Variants in COL16A1 observed in about 807,000 individuals in gnomAD.
COL16A1 encodes collagen type XVI alpha 1 chain.
COL16A1 carries 189 observed loss-of-function variants against 266.3 expected under a neutral mutation model. The ratio of observed to expected loss-of-function variants is 0.71; its 90% CI spans 0.63 to 0.80. The LOEUF is 0.80. COL16A1 is among the 30% of genes least tolerant of loss of function. The pLI is 0.00. For missense variants in COL16A1, 1,928 were observed against 2,122.4 expected (o/e 0.91, Z 1.80); for synonymous variants, 740 against 782.3 (o/e 0.95, Z 0.90).
In COL16A1 at chr1:31,656,287, C is replaced by T; in HGVS notation, c.4101+113G>A. 6.6e-7 allele frequency: 1 copy of T among 1,526,014 alleles called. No individual in the cohort carries two copies. The highest frequency in any genetic ancestry group is 8.8e-7 in the Non-Finnish European group (1 of 1,135,910). The allele number at this position is 1,526,014 out of a possible 1,614,324, so 94.5% of individuals were successfully genotyped here. On this transcript the variant is annotated intron_variant, in intron 66 of 70. Transcript: ENST00000373672. This position sits in a 1 kb window ranked among gnomAD's most constrained non-coding sequence, Gnocchi z 4.2. The stretch of plus-strand genomic sequence containing the variant: ...CCTGCTCCAAGTTCTGCATTTTTGC[C>T]CCCTGCCCACTGGCCTTCCTGTGTC...
rs1272445992 is a variant in COL16A1, at chr1:31,653,657, A to G, written c.4554T>C (p.Gly1518=). ...TGCCAATACCAATGTCCCCTTTTTCACCTTTGGTACCAGGCAATCCTGGAA... is the reference window on the plus strand; with the variant it reads ...TGCCAATACCAATGTCCCCTTTTTCGCCTTTGGTACCAGGCAATCCTGGAA... ...PGVRGLPGTK[G]EKGDIGIGIA... Residue 1518 remains glycine, a synonymous_variant, in exon 70 of 71, where the codon GGT becomes GGC. Transcript: ENST00000373672. 1 of 1,613,406 alleles carries G rather than the reference A, an allele frequency of 6.2e-7. No individual in the cohort carries two copies. The highest frequency in any genetic ancestry group is 8.5e-7 in the Non-Finnish European group (1 of 1,179,692).
chr1:31,686,371 C>T (rs1570529043), intron 26 of COL16A1, 92 bp from the exon 27 acceptor site: 1 of 1,529,844 alleles, frequency 6.5e-7, no homozygotes, highest in East Asian at 2.3e-5. Context: ...GCAACCCCTT[C>T]AGATGTCCAG....
chr1:31,658,808 G>T, intron 63 of COL16A1, 106 bp downstream of exon 63: 1 of 1,349,968 alleles, frequency 7.4e-7, no homozygotes, highest in South Asian at 1.3e-5. Context: ...GGAAGGAGGG[G>T]ATGAGACAAA....
At chr1:31,693,874 T>G (rs1644382887) in intron 12 of COL16A1, among the ~76,000 whole-genome samples, 1 of 152,190 alleles carries the variant, frequency 6.6e-6, no homozygotes, top group Non-Finnish European at 1.5e-5. Flanking sequence ...CCCTGCAGGC[T>G]GACTATTGAG....
At position 31,683,739 on chromosome 1, in the gene COL16A1, C is replaced by T. The variant is rs1176277321; in HGVS notation, c.2347G>A (p.Gly783Arg). Residue 783 changes from glycine (G) to arginine (R), a missense_variant, in exon 34 of 71, where the codon GGG becomes AGG. By Grantham distance (125) the Gly-to-Arg change is moderately radical. Around this residue, in one of 2 missense-constraint regions of COL16A1, gnomAD observed 1,552 missense variants for 1,637.2 expected, o/e 0.95. Transcript: ENST00000373672. ...PGLKGVQGEP[G>R]PPGRGVQGPQ... ...CCCTGGACTCCCCTTCCTGGAGGCC[C>T]TGGCTCTCCCTGAAGAGGCAGAAGG... 1 of 1,614,152 alleles carries T rather than the reference C, an allele frequency of 6.2e-7. No individual in the cohort carries two copies. Among genetic ancestry groups the T allele is most frequent in the Non-Finnish European group, 8.5e-7 (1 of 1,180,000 alleles).
chr1:31,661,654 A>G lies in COL16A1; in HGVS notation c.3726+6T>C. The stretch of plus-strand genomic sequence containing the variant: ...GCTTCCAACTCCTTCCTGCAGCTCA[A>G]CTTACCGGTGGTCCCATGAGTCCAG... On this transcript the variant is annotated splice_donor_region_variant and intron_variant, in intron 59 of 70. Coordinates refer to ENST00000373672, the MANE Select transcript of COL16A1 (RefSeq NM_001856.4). 1 of 1,613,580 alleles carries G rather than the reference A, an allele frequency of 6.2e-7. No individual in the cohort carries two copies.
Position 31,652,613 on chromosome 1 carries a change from C to A in COL16A1, c.*38G>T. ...GTCCTATAAGCTTTGGCCATTTATT[C>A]CCAACGGAGTCTTTCATCCAAAGGC... On this transcript the variant is annotated 3_prime_UTR_variant, in exon 71 of 71. Transcript: ENST00000373672. The surrounding 1 kb of genome is among the most constrained non-coding windows in gnomAD (Gnocchi z 4.8). 1 of 1,515,392 alleles carries A rather than the reference C, an allele frequency of 6.6e-7. No homozygotes were observed. The highest frequency in any genetic ancestry group is 1.3e-5 in the South Asian group (1 of 75,344). 93.9% of individuals were successfully genotyped at this position (1,515,392 alleles called of 1,614,324 possible).
intron 52 of COL16A1, 197 bp from the exon 53 acceptor site, chr1:31,666,278 T>A: frequency 1.6e-6 from 1 of 610,982 alleles, no homozygotes; most frequent in Non-Finnish European, 2.8e-6. Context: ...TAACTCGTCC[T>A]GCCACCTCCT....
intron 69 of COL16A1, 33 bp from the exon 70 acceptor site, chr1:31,653,709 T>G (rs1640838289): frequency 6.2e-7 from 1 of 1,601,354 alleles, no homozygotes; most frequent in Admixed American, 1.7e-5. Context: ...GTCCTATCCC[T>G]GAGCAGAAAA....
intron 33 of COL16A1, 100 bp downstream of exon 33, chr1:31,683,850 G>A: frequency 6.2e-7 from 1 of 1,604,300 alleles, no homozygotes; most frequent in Non-Finnish European, 8.5e-7. Context: ...CCTGCACCCT[G>A]CCTCCATTTC....
intron 36 of COL16A1, 89 bp from the exon 37 acceptor site, chr1:31,683,091 G>A (rs1452916483): frequency 3.1e-6 from 5 of 1,608,530 alleles, no homozygotes; most frequent in Admixed American, 1.7e-5. Context: ...CAGATCTTAG[G>A]CAGCCCTCTG....
chr1:31,671,667 G>A lies in COL16A1; in HGVS notation c.3106-8C>T. The A allele has an allele frequency of 2.5e-6, 4 of 1,614,040 alleles. No homozygotes were observed. In the South Asian group the frequency reaches 3.3e-5, roughly 13 times the overall value. On this transcript the variant is annotated splice_region_variant and splice_polypyrimidine_tract_variant and intron_variant, in intron 47 of 70. Transcript: ENST00000373672. ...CCTCATGCCAGGCGGACCCTGCAAA[G>A]GAAGCCAAGGGAAATGGATGAAGAG...
At chr1:31,660,064 C>T (rs1196143223) in intron 62 of COL16A1, 1 of 143,478 alleles carries the variant, frequency 7.0e-6, no homozygotes, top group African/African-American at 2.8e-5. Flanking sequence ...ATGCCAGTAT[C>T]TTCGCTTTTC....
chr1:31,692,906 G>A (rs1644337627), intron 13 of COL16A1, 98 bp from the exon 14 acceptor site: 4 of 1,232,096 alleles, frequency 3.2e-6, no homozygotes. Context: ...ATAGTCCTAA[G>A]TATCCCTAGA....
Position 31,693,191 on chromosome 1 carries a change from G to C in COL16A1, c.1009-37C>G, listed in dbSNP as rs141034212. 1,300 of 1,369,898 alleles carry C rather than the reference G, an allele frequency of 9.5e-4. 9 individuals are homozygous for C. In the African/African-American group the frequency reaches 0.016, roughly 17 times the overall value. The allele number at this position is 1,369,898 out of a possible 1,614,324, so 84.9% of individuals were successfully genotyped here. A position where few individuals can be genotyped will look rare whatever the true frequency, so the allele number is the denominator to read the frequency against. On this transcript the variant is annotated intron_variant, in intron 12 of 70. Coordinates refer to ENST00000373672, the MANE Select transcript of COL16A1 (RefSeq NM_001856.4). ...ACCAGAATGGAAGATAGGACCAGAGGGGGCACATGGGAGCCTTGAGAAAGC... is the reference window on the plus strand; with the variant it reads ...ACCAGAATGGAAGATAGGACCAGAGCGGGCACATGGGAGCCTTGAGAAAGC...
chr1:31,696,203 A>G lies in COL16A1; in HGVS notation c.865-62T>C, dbSNP rs376520772. 1.7e-5 allele frequency: 26 copies of G among 1,497,654 alleles called. 1 individual carries two copies. The East Asian group carries it at 2.0e-4, about 12-fold the overall frequency. 92.8% of individuals were successfully genotyped at this position (1,497,654 alleles called of 1,614,324 possible). A position where few individuals can be genotyped will look rare whatever the true frequency, so the allele number is the denominator to read the frequency against. Reference sequence around the variant, plus strand: ...GGGAAGTTCTGGGGTCCAGGCTGGAAAGGGGCACCCAGGCAGGGGGCATGG... The same window carrying G: ...GGGAAGTTCTGGGGTCCAGGCTGGAGAGGGGCACCCAGGCAGGGGGCATGG... On this transcript the variant is annotated intron_variant, in intron 8 of 70. Transcript: ENST00000373672.
rs748149672 is a variant in COL16A1 at position 31,690,392 on chromosome 1, C to A, written c.1484G>T (p.Gly495Val). The A allele has an allele frequency of 6.2e-7, 1 of 1,614,162 alleles. No individual in the cohort carries two copies. Among genetic ancestry groups the A allele is most frequent in the Non-Finnish European group, 8.5e-7 (1 of 1,180,022 alleles). ...CTTCTCTCCCTTCACACCTGGCTTC[C>A]CCTGTTAGAAAAGAGGCAATGGGCA... Reference protein sequence around the residue: ...PGKEGPGGKPGKPGVKGEKGD... With the variant: ...PGKEGPGGKPVKPGVKGEKGD... Residue 495 changes from glycine to valine, a missense_variant and splice_region_variant, in exon 22 of 71, where the codon GGG becomes GTG. Around this residue, in one of 2 missense-constraint regions of COL16A1, gnomAD observed 1,552 missense variants for 1,637.2 expected, o/e 0.95. Coordinates refer to ENST00000373672, the MANE Select transcript of COL16A1 (RefSeq NM_001856.4).
At chr1:31,686,672 C>T (rs1643993568) in intron 26 of COL16A1, among the ~76,000 whole-genome samples, 1 of 152,242 alleles carries the variant, frequency 6.6e-6, no homozygotes, top group Admixed American at 6.5e-5. Context: ...TCTAAATCAT[C>T]ATTTTAAACA....
rs1570371201 is a variant in COL16A1 at position 31,661,775 on chromosome 1, T to A, written c.3682-71A>T. On this transcript the variant is annotated intron_variant, in intron 58 of 70. Transcript: ENST00000373672. ...TTGTATCCAACTCATACCTCTGTCC[T>A]CCCCTCTCTCCAGCCCTCCCCAGCT... 27 of 1,485,850 alleles carry A rather than the reference T, an allele frequency of 1.8e-5. No individual in the cohort carries two copies. The East Asian group carries it at 4.4e-4, about 24-fold the overall frequency. 92.0% of individuals were successfully genotyped at this position (1,485,850 alleles called of 1,614,324 possible).
Sources: gnomAD v4.1 joint callset for allele counts (sites outside exome capture counted in the v4.1 genomes callset) on GRCh38, gnomAD v4.1.1 for gene constraint, gnomAD v4.1.1 regional missense constraint, Gnocchi (gnomAD v3.1) non-coding constraint, MANE v1.5 for transcripts, NCBI Gene and HGNC (gene_info 2026-07-23, HGNC 2026-07-21) for gene names.